The following ZFR2 variants were observed in gnomAD, a reference collection of about 807,000 sequenced individuals.
The protein encoded by ZFR2 is zinc finger RNA-binding protein 2.
ZFR2 carries 104 observed loss-of-function variants against 105.7 expected under a neutral mutation model. That is an observed-to-expected ratio of 0.98 (90% CI 0.84 to 1.16). ZFR2 has a LOEUF of 1.16. Ranked by LOEUF, ZFR2 falls within the 50% of genes most tolerant of loss-of-function variation. ZFR2 has a pLI of 0.00. For missense variants in ZFR2, 1,425 were observed against 1,355.5 expected (o/e 1.05, Z -0.80); for synonymous variants, 634 against 597.7 (o/e 1.06, Z -0.89).
Position 3,823,227 on chromosome 19 carries a change from C to T in ZFR2, c.1371+19G>A, listed in dbSNP as rs763001632. ...TCCTTCCCTGACCGGGGCACCAGGA[C>T]TTGACAGCCTCGACTTACCTCCTCC... On this transcript the variant is annotated intron_variant, in intron 8 of 18. Coordinates refer to ENST00000262961, the MANE Select transcript of ZFR2 (RefSeq NM_015174.2). The surrounding 1 kb of genome is among the most constrained non-coding windows in gnomAD (Gnocchi z 5.4). 2 of 1,613,724 alleles carry T rather than the reference C, an allele frequency of 1.2e-6. No homozygotes were observed. Among genetic ancestry groups the T allele is most frequent in the African/African-American group, 1.3e-5 (1 of 74,940 alleles).
chr19:3,860,514 C>T (rs935910824), intron 1 of ZFR2, among the ~76,000 whole-genome samples: 5 of 152,126 alleles, frequency 3.3e-5, no homozygotes, highest in Non-Finnish European at 5.9e-5. Flanking sequence ...TCCCGAGCCT[C>T]GGGGGCGAGC....
At chr19:3,836,050 G>T (rs76772934) in intron 1 of ZFR2, among the ~76,000 whole-genome samples, 1 of 152,198 alleles carries the variant, frequency 6.6e-6, no homozygotes, top group African/African-American at 2.4e-5. Flanking sequence ...GGATGCTTGA[G>T]TCCCTGACAT....
Position 3,813,500 on chromosome 19 carries a change from G to A in ZFR2, c.2242+320C>T, listed in dbSNP as rs1347627141. On this transcript the variant is annotated intron_variant, in intron 14 of 18. Transcript: ENST00000262961. This position sits in a 1 kb window ranked among gnomAD's most constrained non-coding sequence, Gnocchi z 4.4. The stretch of plus-strand genomic sequence containing the variant: ...AGACCTGTCCTTTGCCGCCAGGGCT[G>A]GTGTCACCAGGGCCTGAGAAGCAGG... Among the ~76,000 whole-genome samples the A allele has an allele frequency of 3.3e-5, 5 of 152,326 alleles. No homozygotes were observed. In the East Asian group the frequency reaches 9.7e-4, roughly 29 times the overall value.
At chr19:3,868,929 C>T (rs2145204717) in intron 1 of ZFR2, 36 bp downstream of exon 1, 2 of 1,278,848 alleles carry the variant, frequency 1.6e-6, no homozygotes, top group East Asian at 6.3e-5. Context: ...CTGCAGGGGC[C>T]GGGACTGGCG....
At chr19:3,808,222 A>T (rs1485651642) in intron 17 of ZFR2, among the ~76,000 whole-genome samples, 4 of 131,806 alleles carry the variant, frequency 3.0e-5, no homozygotes, top group Non-Finnish European at 6.6e-5. Flanking sequence ...TGCCCGTGCG[A>T]GTGCGTGCGT....
intron 12 of ZFR2, 109 bp from the exon 13 acceptor site, chr19:3,816,954 G>A: frequency 5.9e-6 from 6 of 1,016,488 alleles, no homozygotes; most frequent in Non-Finnish European, 8.5e-6. Flanking sequence ...GCCTCTCTGT[G>A]CCTCGGCATC....
At chr19:3,851,936 C>G (rs1229659929) in intron 1 of ZFR2, 2 of 187,180 alleles carry the variant, frequency 1.1e-5, no homozygotes, top group Non-Finnish European at 2.2e-5. Context: ...GCTCACAAAG[C>G]CAAAGATATT....
In ZFR2 at chr19:3,834,080, C is replaced by G. The variant is rs2038050293; in HGVS notation, c.265-302G>C. Reference sequence around the variant, plus strand: ...GAGAGGGCGGGTTTGCAGGGAGAAGCCCCCGAGGCCTTGGCAAGGAAATGG... The same window carrying G: ...GAGAGGGCGGGTTTGCAGGGAGAAGGCCCCGAGGCCTTGGCAAGGAAATGG... On this transcript the variant is annotated intron_variant, in intron 2 of 18. Coordinates refer to ENST00000262961, the MANE Select transcript of ZFR2 (RefSeq NM_015174.2). The surrounding 1 kb of genome is among the most constrained non-coding windows in gnomAD (Gnocchi z 5.3). Among the ~76,000 whole-genome samples the G allele has an allele frequency of 6.6e-6, 1 of 152,098 alleles. No individual in the cohort carries two copies. Among genetic ancestry groups the G allele is most frequent in the Middle Eastern group, 3.2e-3 (1 of 316 alleles).
intron 1 of ZFR2, among the ~76,000 whole-genome samples, chr19:3,860,164 G>A (rs184960565): frequency 1.1e-4 from 16 of 151,382 alleles, no homozygotes; most frequent in Admixed American, 7.9e-4. Flanking sequence ...CCAAGTAGCT[G>A]GAACTACAGG....
intron 16 of ZFR2, among the ~76,000 whole-genome samples, chr19:3,809,577 C>T (rs1480941210): frequency 1.3e-5 from 2 of 152,172 alleles, no homozygotes; most frequent in Non-Finnish European, 1.5e-5. Context: ...TCAGGACAGC[C>T]GCACACCGGT....
At position 3,828,961 on chromosome 19, in the gene ZFR2, T is replaced by A. The variant is rs896183250; in HGVS notation, c.853-1308A>T. 8.3e-5 allele frequency among the ~76,000 whole-genome samples: 9 copies of A among 108,572 alleles called. 1 individual carries two copies. The highest frequency in any genetic ancestry group is 5.9e-4 in the Admixed American group (5 of 8,440). 71.2% of individuals were successfully genotyped at this position (108,572 alleles called of 152,430 possible). A position where few individuals can be genotyped will look rare whatever the true frequency, so the allele number is the denominator to read the frequency against. On this transcript the variant is annotated intron_variant, in intron 5 of 18. Coordinates refer to ENST00000262961, the MANE Select transcript of ZFR2 (RefSeq NM_015174.2). Reference sequence around the variant, plus strand: ...ATGCATGCTCTCTGGAACTTAGGAATCTTTTTTTTTTTTTTTTTAAGACGG... The same window carrying A: ...ATGCATGCTCTCTGGAACTTAGGAAACTTTTTTTTTTTTTTTTTAAGACGG...
At chr19:3,856,173 C>T (rs148889943) in intron 1 of ZFR2, among the ~76,000 whole-genome samples, 1 of 152,302 alleles carries the variant, frequency 6.6e-6, no homozygotes, top group Non-Finnish European at 1.5e-5. Flanking sequence ...TTGGGATCTG[C>T]ACGAAGGACT....
chr19:3,855,506 G>A, intron 1 of ZFR2: 1 of 1,177,732 alleles, frequency 8.5e-7, no homozygotes, highest in Non-Finnish European at 1.1e-6. Context: ...TGTCATGGGC[G>A]CTGTCACAGC....
intron 7 of ZFR2, 78 bp downstream of exon 7, chr19:3,825,151 TG>T: frequency 7.3e-7 from 1 of 1,376,494 alleles, no homozygotes; most frequent in South Asian, 1.7e-5. Flanking sequence ...ATCGACTGGA[TG>T]GTAGATTTTC....
At chr19:3,831,919 C>A in intron 3 of ZFR2, 41 bp from the exon 4 acceptor site, 1 of 1,456,960 alleles carries the variant, frequency 6.9e-7, no homozygotes, top group Non-Finnish European at 9.1e-7. Flanking sequence ...CCAACCCCCA[C>A]CCCACTGTCC....
intron 1 of ZFR2, among the ~76,000 whole-genome samples, chr19:3,837,665 G>A (rs114595012): frequency 0.021 from 3,180 of 150,574 alleles, 128 homozygotes; most frequent in African/African-American, 0.074. Context: ...CACCATGACC[G>A]TGACACTCGA....
intron 8 of ZFR2, 133 bp from the exon 9 acceptor site, chr19:3,822,333 C>G (rs1357547422): frequency 1.4e-6 from 2 of 1,395,016 alleles, no homozygotes; most frequent in Admixed American, 4.2e-5. Context: ...TTAGAGACAG[C>G]GTCTTGCTGT....
chr19:3,855,338 C>A (rs1201775163), intron 1 of ZFR2: 7 of 1,228,920 alleles, frequency 5.7e-6, no homozygotes, highest in Admixed American at 8.5e-5. Context: ...TTCTGAGGCA[C>A]CATTTTAAAG....
chr19:3,821,603 CCTTTTTTT>C, intron 9 of ZFR2, 124 bp from the exon 10 acceptor site: 5 of 585,992 alleles, frequency 8.5e-6, no homozygotes, highest in Non-Finnish European at 9.6e-6. Flanking sequence ...TCTCCCAAAG[CCTTTTTTT>C]TTTTTTTTTT....
Sources: gnomAD v4.1 joint callset for allele counts (sites outside exome capture counted in the v4.1 genomes callset) on GRCh38, gnomAD v4.1.1 for gene constraint, Gnocchi (gnomAD v3.1) non-coding constraint, MANE v1.5 for transcripts, NCBI Gene and HGNC (gene_info 2026-07-23, HGNC 2026-07-21) for gene names.